The following TMPRSS4 variants were observed in gnomAD, a reference collection of about 807,000 sequenced individuals.
The protein encoded by TMPRSS4 is transmembrane serine protease 4.
TMPRSS4 carries 45 observed loss-of-function variants against 56.4 expected under a neutral mutation model. The observed-to-expected ratio is 0.80, with a 90% CI of 0.63 to 1.02. TMPRSS4 has a LOEUF of 1.02. TMPRSS4 is among the 50% of genes least tolerant of loss of function. The probability of loss-of-function intolerance (pLI) is 0.00; values close to 1 mark genes in which losing one functional copy is unlikely to be tolerated. For synonymous variants in TMPRSS4, 205 were observed against 211.0 expected (o/e 0.97, Z 0.25); for missense variants, 546 against 556.7 (o/e 0.98, Z 0.19).
chr11:118,096,096 T>C (rs1201058707), intron 2 of TMPRSS4, among the ~76,000 whole-genome samples: 4 of 152,188 alleles, frequency 2.6e-5, no homozygotes, highest in African/African-American at 7.2e-5. Flanking sequence ...AGATGCTCAA[T>C]AAATAAATCA....
intron 4 of TMPRSS4, 99 bp downstream of exon 4, chr11:118,103,352 T>C (rs1946821968): frequency 7.7e-7 from 1 of 1,290,330 alleles, no homozygotes; most frequent in Non-Finnish European, 1.1e-6. Flanking sequence ...TACTTGTCAC[T>C]TTTCATCCTT....
intron 2 of TMPRSS4, 87 bp from the exon 3 acceptor site, chr11:118,098,898 C>A: frequency 9.4e-7 from 1 of 1,059,590 alleles, no homozygotes; most frequent in Non-Finnish European, 1.4e-6. Context: ...TGTCACCGGC[C>A]AGAAGGCAGG....
chr11:118,107,773 G>A lies in TMPRSS4; in HGVS notation c.441-1G>A, dbSNP rs369880033. 7.4e-6 allele frequency: 12 copies of A among 1,613,776 alleles called. No homozygotes were observed. Among genetic ancestry groups the A allele is most frequent in the Non-Finnish European group, 9.3e-6 (11 of 1,179,862 alleles). ...CTCTCTCTCCCTCTTGATGTGAGCA[G>A]CAAACCCACTTTCAGAGCTGTGGAG... is the stretch of plus-strand genomic sequence containing the variant. On this transcript the variant is annotated splice_acceptor_variant, in intron 5 of 12. Coordinates refer to ENST00000437212, the MANE Select transcript of TMPRSS4 (RefSeq NM_019894.4). LOFTEE classifies it high-confidence loss of function.
At position 118,115,145 on chromosome 11, in the gene TMPRSS4, G is replaced by A; in HGVS notation, c.1017G>A (p.Met339Ile). ...WGFTKQNGGK[M>I]SDILLQASVQ... ...GTGTTTTTACCCTCCCAGGGAAGAT[G>A]TCTGACATACTGCTGCAGGCGTCAG... The change falls in exon 11 of 13, where the codon ATG (methionine) becomes ATA (isoleucine). Residue 339 changes from methionine (M) to isoleucine (I), a missense_variant. Physicochemically the swap from Met to Ile is conservative, Grantham distance 10 (BLOSUM62 1). Transcript: ENST00000437212. 6.2e-7 allele frequency: 1 copy of A among 1,610,842 alleles called. No homozygotes were observed.
At chr11:118,113,791 T>C (rs949643029) in intron 9 of TMPRSS4, among the ~76,000 whole-genome samples, 2 of 152,220 alleles carry the variant, frequency 1.3e-5, no homozygotes, top group Non-Finnish European at 2.9e-5. Flanking sequence ...CTGCTCAGTA[T>C]CCCTGCCAAG....
intron 7 of TMPRSS4, among the ~76,000 whole-genome samples, 168 bp downstream of exon 7, chr11:118,109,064 G>T (rs375291608): frequency 2.0e-5 from 3 of 152,200 alleles, no homozygotes; most frequent in Admixed American, 6.5e-5. Context: ...GTGGCCTTGG[G>T]CAGGTCACAT....
chr11:118,117,375 A>G lies in TMPRSS4; in HGVS notation c.1223A>G (p.Tyr408Cys). The G allele has an allele frequency of 3.1e-6, 5 of 1,614,094 alleles. No homozygotes were observed. Among genetic ancestry groups the G allele is most frequent in the Non-Finnish European group, 4.2e-6 (5 of 1,179,978 alleles). The change falls in exon 12 of 13, where the codon TAT (tyrosine) becomes TGT (cysteine). Residue 408 changes from tyrosine to cysteine, a missense_variant. Physicochemically the swap from Tyr to Cys is radical, Grantham distance 194. Transcript: ENST00000437212. ...GTGGTGGGCATCGTTAGTTGGGGCT[A>G]TGGCTGCGGGGGCCCGAGCACCCCA... The part of the protein sequence containing the change: ...WHVVGIVSWG[Y>C]GCGGPSTPGV...
At chr11:118,097,468 C>T (rs137914950) in intron 2 of TMPRSS4, among the ~76,000 whole-genome samples, 8 of 152,216 alleles carry the variant, frequency 5.3e-5, no homozygotes, top group East Asian at 1.9e-4. Context: ...AGAGCCGGTC[C>T]GTTGCTTTCC....
rs538153108 is a variant in TMPRSS4 at position 118,107,613 on chromosome 11, G to T, written c.441-161G>T. ...GGTCGGTTCTTTATTGTATAGCAAA[G>T]CAGGCCCCATCTTCACTGACTAAGA... On this transcript the variant is annotated intron_variant, in intron 5 of 12. Coordinates refer to ENST00000437212, the MANE Select transcript of TMPRSS4 (RefSeq NM_019894.4). 14 of 573,590 alleles carry T rather than the reference G, an allele frequency of 2.4e-5. No individual in the cohort carries two copies. The South Asian group carries it at 3.0e-4, about 12-fold the overall frequency. 35.5% of individuals were successfully genotyped at this position (573,590 alleles called of 1,614,324 possible).
chr11:118,114,490 A>G (rs1214914018), intron 9 of TMPRSS4, among the ~76,000 whole-genome samples: 1 of 152,150 alleles, frequency 6.6e-6, no homozygotes, highest in Non-Finnish European at 1.5e-5. Flanking sequence ...GGCAAGATTG[A>G]GCATGCTCAG....
chr11:118,119,091 T>A lies in TMPRSS4; in HGVS notation c.*1178T>A. ...TACTTGTTCATACTGTACTAGGTTC[T>A]TAGGAAACAACAGAATTCCTCAAAT... On this transcript the variant is annotated 3_prime_UTR_variant, in exon 13 of 13. Transcript: ENST00000437212. 1 of 985,428 alleles carries A rather than the reference T, an allele frequency of 1.0e-6. No homozygotes were observed. The highest frequency in any genetic ancestry group is 1.2e-6 in the Non-Finnish European group (1 of 829,948). The allele number at this position is 985,428 out of a possible 1,614,324, so 61.0% of individuals were successfully genotyped here.
At chr11:118,109,769 A>G (rs1947181586) in intron 7 of TMPRSS4, among the ~76,000 whole-genome samples, 1 of 152,224 alleles carries the variant, frequency 6.6e-6, no homozygotes, top group Non-Finnish European at 1.5e-5. Flanking sequence ...TGCCTCTGCA[A>G]TTTAGGAGTG....
intron 3 of TMPRSS4, among the ~76,000 whole-genome samples, chr11:118,099,403 A>C (rs1946601584): frequency 6.6e-6 from 1 of 151,642 alleles, no homozygotes; most frequent in Admixed American, 6.6e-5. Flanking sequence ...TGGTATAATA[A>C]AAGGAATTTG....
At position 118,103,124 on chromosome 11, in the gene TMPRSS4, T is replaced by C. The variant is rs1255485870; in HGVS notation, c.181T>C (p.Tyr61His). The C allele has an allele frequency of 2.5e-6, 4 of 1,614,126 alleles. No individual in the cohort carries two copies. The highest frequency in any genetic ancestry group is 1.3e-5 in the African/African-American group (1 of 74,950). The change falls in exon 4 of 13, where the codon TAC (tyrosine) becomes CAC (histidine). Residue 61 changes from tyrosine (Y) to histidine (H), a missense_variant. By Grantham distance (83) the Tyr-to-His change is moderately conservative. Coordinates refer to ENST00000437212, the MANE Select transcript of TMPRSS4 (RefSeq NM_019894.4). ...VLIKVILDKYYFLCGQPLHFI... is the reference protein window; with the variant it reads ...VLIKVILDKYHFLCGQPLHFI... ...AGTCAAGGTGATTCTGGATAAATAC[T>C]ACTTCCTCTGCGGGCAGCCTCTCCA...
At chr11:118,103,431 G>A (rs1229023598) in intron 4 of TMPRSS4, among the ~76,000 whole-genome samples, 178 bp downstream of exon 4, 2 of 152,042 alleles carry the variant, frequency 1.3e-5, no homozygotes, top group African/African-American at 4.8e-5. Flanking sequence ...GCCCAAGATG[G>A]AGTGCAGTGT....
Position 118,116,715 on chromosome 11 carries a change from C to CTTTT in TMPRSS4, c.1153-577_1153-574dup, listed in dbSNP as rs58251133. 5.3e-3 allele frequency among the ~76,000 whole-genome samples: 651 copies of CTTTT among 123,326 alleles called. 30 individuals are homozygous for CTTTT. Among genetic ancestry groups the CTTTT allele is most frequent in the African/African-American group, 0.017 (542 of 31,202 alleles). The allele number at this position is 123,326 out of a possible 152,430, so 80.9% of individuals were successfully genotyped here. ...ACTAGGTTAAACAATGATAACCAGG[C>CTTTT]TTTTTTTTTTTTTTTTGAGACTGAG... On this transcript the variant is annotated intron_variant, in intron 11 of 12. Coordinates refer to ENST00000437212, the MANE Select transcript of TMPRSS4 (RefSeq NM_019894.4).
intron 2 of TMPRSS4, 131 bp downstream of exon 2, chr11:118,094,986 T>C: frequency 1.1e-6 from 1 of 923,744 alleles, no homozygotes. Context: ...TGACATCCAG[T>C]CACCCGTCCA....
intron 1 of TMPRSS4, among the ~76,000 whole-genome samples, chr11:118,090,112 G>A (rs934309835): frequency 4.6e-5 from 7 of 152,166 alleles, no homozygotes; most frequent in African/African-American, 1.7e-4. Flanking sequence ...AAAGTGCTGG[G>A]ATTACAGGTG....
chr11:118,117,650 C>A (rs1049583325), intron 12 of TMPRSS4, 196 bp downstream of exon 12: 3 of 984,722 alleles, frequency 3.0e-6, no homozygotes, highest in Non-Finnish European at 3.6e-6. Flanking sequence ...CTGATAAATG[C>A]AAATACCTTA....
Sources: gnomAD v4.1 joint callset for allele counts (sites outside exome capture counted in the v4.1 genomes callset) on GRCh38, gnomAD v4.1.1 for gene constraint, MANE v1.5 for transcripts, NCBI Gene and HGNC (gene_info 2026-07-23, HGNC 2026-07-21) for gene names.